The following NCKAP5 variants were observed in gnomAD, a reference collection of about 807,000 sequenced individuals.
NCKAP5 encodes NCK associated protein 5.
In NCKAP5, 92 loss-of-function variants were observed where a neutral mutation model predicts 167.0. That is an observed-to-expected ratio of 0.55 (90% CI 0.47 to 0.66). The LOEUF (loss-of-function observed/expected upper bound fraction) is 0.66, where lower values mean the gene tolerates loss of function less well. NCKAP5 is among the 30% of genes least tolerant of loss of function. The pLI is 0.00. For missense variants in NCKAP5, 2,378 were observed against 2,315.0 expected (o/e 1.03, Z -0.56); for synonymous variants, 891 against 877.4 (o/e 1.02, Z -0.27).
rs1264844507 is a variant in NCKAP5, at chr2:133,057,374, A to G, written c.342-63135T>C. Among the ~76,000 whole-genome samples the G allele has an allele frequency of 2.0e-5, 3 of 152,336 alleles. No homozygotes were observed. In the East Asian group the frequency reaches 5.8e-4, roughly 29 times the overall value. On this transcript the variant is annotated intron_variant, in intron 6 of 19. Coordinates refer to ENST00000409261, the MANE Select transcript of NCKAP5 (RefSeq NM_207363.3). ...CCTGTTGAAAGCCAAGACAGGCCGA[A>G]AGCTAGGCCTCTTGCACCAAACAGG...
At chr2:133,372,725 A>G (rs766304249) in intron 3 of NCKAP5, among the ~76,000 whole-genome samples, 54 of 152,154 alleles carry the variant, frequency 3.5e-4, no homozygotes, top group Non-Finnish European at 6.5e-4. Context: ...CCAGATTTCT[A>G]CCTCTTACAG....
At chr2:132,828,222 G>A (rs767090324) in intron 11 of NCKAP5, among the ~76,000 whole-genome samples, 2 of 152,146 alleles carry the variant, frequency 1.3e-5, no homozygotes, top group Non-Finnish European at 2.9e-5. Flanking sequence ...TCCAATCTGT[G>A]CTATTTTGTT....
chr2:132,690,859 C>T (rs907142429), intron 19 of NCKAP5, among the ~76,000 whole-genome samples: 2 of 152,192 alleles, frequency 1.3e-5, no homozygotes, highest in African/African-American at 4.8e-5. Flanking sequence ...ACTGCTCTAA[C>T]TTCCACCATG....
intron 11 of NCKAP5, among the ~76,000 whole-genome samples, chr2:132,803,436 G>A (rs1685189282): frequency 6.6e-6 from 1 of 152,292 alleles, no homozygotes. Context: ...AGGACCCAAG[G>A]TTATAAAATA....
chr2:132,983,501 G>A (rs1348807952), intron 7 of NCKAP5, among the ~76,000 whole-genome samples: 1 of 152,076 alleles, frequency 6.6e-6, no homozygotes, highest in East Asian at 1.9e-4. Context: ...AGTTTATTCA[G>A]GGTTTTTGTT....
rs150423488 is a variant in NCKAP5 at position 132,878,516 on chromosome 2, T to G, written c.648+332A>C. On this transcript the variant is annotated intron_variant, in intron 9 of 19. Transcript: ENST00000409261. ...GATCACACTTATTGGACAGAAATAA[T>G]TTATCATGCAGTAAACTGTGGCCCA... Among the ~76,000 whole-genome samples the G allele has an allele frequency of 3.3e-5, 5 of 152,080 alleles. No individual in the cohort carries two copies. The East Asian group carries it at 9.7e-4, about 29-fold the overall frequency.
intron 5 of NCKAP5, among the ~76,000 whole-genome samples, chr2:133,140,148 A>G (rs970170107): frequency 1.3e-5 from 2 of 152,120 alleles, no homozygotes; most frequent in Admixed American, 6.5e-5. Context: ...TTATTATTCT[A>G]TCCCCTTGAA....
the NCKAP5 span, among the ~76,000 whole-genome samples, chr2:133,599,753 C>G: frequency 6.6e-6 from 1 of 152,182 alleles, no homozygotes; most frequent in Non-Finnish European, 1.5e-5. Flanking sequence ...TCCTGGGGCC[C>G]TGGGTGAGAT....
intron 6 of NCKAP5, among the ~76,000 whole-genome samples, chr2:133,004,470 G>A (rs1364325620): frequency 6.6e-6 from 1 of 152,128 alleles, no homozygotes; most frequent in Non-Finnish European, 1.5e-5. Context: ...CATGTCGACA[G>A]GTTCCATGAT....
At chr2:133,247,464 T>C (rs1424450995) in intron 4 of NCKAP5, among the ~76,000 whole-genome samples, 1 of 152,148 alleles carries the variant, frequency 6.6e-6, no homozygotes, top group East Asian at 1.9e-4. Context: ...CAGCATTAAA[T>C]TAAAATCCCA....
chr2:133,238,551 G>C (rs923412162), intron 4 of NCKAP5, among the ~76,000 whole-genome samples: 3 of 152,186 alleles, frequency 2.0e-5, no homozygotes, highest in Non-Finnish European at 4.4e-5. Context: ...TTCTCACTCA[G>C]TCAGTACCAT....
At chr2:133,089,352 T>C (rs772809290) in intron 6 of NCKAP5, among the ~76,000 whole-genome samples, 84 of 152,356 alleles carry the variant, frequency 5.5e-4, no homozygotes, top group Non-Finnish European at 1.0e-3. Flanking sequence ...ATGAGGTCTA[T>C]TGAGTTTCAT....
intron 3 of NCKAP5, among the ~76,000 whole-genome samples, chr2:133,430,370 T>C (rs1690081783): frequency 6.6e-6 from 1 of 152,182 alleles, no homozygotes; most frequent in Admixed American, 6.5e-5. Flanking sequence ...AGAAGCTCTT[T>C]AGTTTAATTA....
chr2:132,822,422 T>C (rs975230212), intron 11 of NCKAP5, among the ~76,000 whole-genome samples: 1 of 152,178 alleles, frequency 6.6e-6, no homozygotes, highest in Non-Finnish European at 1.5e-5. Flanking sequence ...TGGAGCCTGA[T>C]AGCCCTGCTG....
intron 7 of NCKAP5, among the ~76,000 whole-genome samples, chr2:132,974,761 G>C (rs541423945): frequency 1.3e-5 from 2 of 152,340 alleles, no homozygotes; most frequent in African/African-American, 4.8e-5. Context: ...CCTCTACGGA[G>C]TTGGTGTTTG....
chr2:133,404,670 A>G (rs1688312171), intron 3 of NCKAP5, among the ~76,000 whole-genome samples: 1 of 152,246 alleles, frequency 6.6e-6, no homozygotes, highest in Admixed American at 6.5e-5. Context: ...TAATTGTAAA[A>G]GCAGAAAAAT....
chr2:133,380,264 A>AT (rs1354016756), intron 3 of NCKAP5, among the ~76,000 whole-genome samples: 1 of 151,922 alleles, frequency 6.6e-6, no homozygotes, highest in Non-Finnish European at 1.5e-5. Context: ...TTGGGAGAAG[A>AT]TTTTTTTTCA....
At chr2:133,183,995 T>C (rs550481533) in intron 5 of NCKAP5, among the ~76,000 whole-genome samples, 1 of 152,210 alleles carries the variant, frequency 6.6e-6, no homozygotes, top group Non-Finnish European at 1.5e-5. Flanking sequence ...ACATTCAGAG[T>C]GTACACGTGC....
intron 19 of NCKAP5, among the ~76,000 whole-genome samples, chr2:132,719,781 G>T (rs941329639): frequency 1.1e-4 from 17 of 152,238 alleles, no homozygotes; most frequent in African/African-American, 3.9e-4. Flanking sequence ...GACGATGAGA[G>T]CGGGAGAGTC....
Sources: gnomAD v4.1 joint callset for allele counts (sites outside exome capture counted in the v4.1 genomes callset) on GRCh38, gnomAD v4.1.1 for gene constraint, MANE v1.5 for transcripts, NCBI Gene and HGNC (gene_info 2026-07-23, HGNC 2026-07-21) for gene names.